Variants in MACROD2 observed in about 807,000 individuals in gnomAD.
MACROD2 encodes ADP-ribose glycohydrolase MACROD2.
In MACROD2, 36 loss-of-function variants were observed where a neutral mutation model predicts 70.4. The observed-to-expected ratio is 0.51, with a 90% confidence interval of 0.39 to 0.68. MACROD2 has a LOEUF of 0.68. Ranked by LOEUF, MACROD2 falls within the 30% of genes least tolerant of loss-of-function variation. The probability of loss-of-function intolerance (pLI) is 0.00; values close to 1 mark genes in which losing one functional copy is unlikely to be tolerated. For synonymous variants in MACROD2, 172 were observed against 178.8 expected (o/e 0.96, Z 0.30); for missense variants, 496 against 538.4 (o/e 0.92, Z 0.78).
intron 4 of MACROD2, among the ~76,000 whole-genome samples, chr20:14,644,386 AT>A (rs1184087253): frequency 1.3e-5 from 2 of 152,156 alleles, no homozygotes; most frequent in Admixed American, 1.3e-4. Context: ...GTAGTGGTTT[AT>A]TTGCCTTTCT....
intron 5 of MACROD2, among the ~76,000 whole-genome samples, chr20:14,947,347 C>T (rs1399513925): frequency 1.3e-5 from 2 of 152,204 alleles, no homozygotes; most frequent in Non-Finnish European, 2.9e-5. Flanking sequence ...ATTTCTGACT[C>T]CGGCATTGGC....
chr20:15,550,868 T>G (rs1369013678), intron 8 of MACROD2, among the ~76,000 whole-genome samples: 1 of 152,212 alleles, frequency 6.6e-6, no homozygotes, highest in Admixed American at 6.5e-5. Flanking sequence ...CAGAGCTCCA[T>G]AGCTATTAAA....
intron 2 of MACROD2, among the ~76,000 whole-genome samples, chr20:14,047,357 A>C (rs2053493877): frequency 6.6e-6 from 1 of 150,592 alleles, no homozygotes; most frequent in South Asian, 2.1e-4. Context: ...TGGGAGGCTG[A>C]GTCAGGAGAA....
chr20:15,285,153 C>G (rs2077479582), intron 6 of MACROD2, among the ~76,000 whole-genome samples: 1 of 152,134 alleles, frequency 6.6e-6, no homozygotes, highest in South Asian at 2.1e-4. Flanking sequence ...ATGATAATTT[C>G]ATTTTCTCTG....
At chr20:15,921,685 T>C (rs2065409967) in intron 10 of MACROD2, among the ~76,000 whole-genome samples, 1 of 152,232 alleles carries the variant, frequency 6.6e-6, no homozygotes. Context: ...GGATACTATA[T>C]TTGCGTAATT....
intron 4 of MACROD2, among the ~76,000 whole-genome samples, chr20:14,560,767 C>T (rs1442446608): frequency 1.3e-5 from 2 of 151,582 alleles, no homozygotes; most frequent in East Asian, 1.9e-4. Context: ...TAGGAAATGC[C>T]GACACTTATT....
At chr20:15,284,493 GTTC>G (rs1340380879) in intron 6 of MACROD2, among the ~76,000 whole-genome samples, 2 of 152,122 alleles carry the variant, frequency 1.3e-5, no homozygotes, top group Non-Finnish European at 2.9e-5. Flanking sequence ...AGGTAAAAGT[GTTC>G]TTCTGTGAGG....
intron 6 of MACROD2, among the ~76,000 whole-genome samples, chr20:15,237,792 A>G (rs993066027): frequency 6.9e-6 from 1 of 145,828 alleles, no homozygotes; most frequent in Non-Finnish European, 1.5e-5. Context: ...AAGCTGGACT[A>G]TTTTTTTTTT....
chr20:14,408,711 T>A (rs1256187978), intron 3 of MACROD2, among the ~76,000 whole-genome samples: 1 of 152,138 alleles, frequency 6.6e-6, no homozygotes, highest in East Asian at 1.9e-4. Flanking sequence ...AGAGATGGCA[T>A]TTAGATAACT....
intron 5 of MACROD2, among the ~76,000 whole-genome samples, chr20:14,762,522 A>G (rs1376721926): frequency 3.3e-5 from 5 of 152,186 alleles, no homozygotes; most frequent in Non-Finnish European, 5.9e-5. Flanking sequence ...AGGATTGGAC[A>G]TTCTCTCACT....
At chr20:15,392,036 G>A (rs948479393) in intron 6 of MACROD2, among the ~76,000 whole-genome samples, 2 of 152,048 alleles carry the variant, frequency 1.3e-5, no homozygotes, top group Admixed American at 6.6e-5. Flanking sequence ...ATTTTTTTAA[G>A]TGGGGAAAAC....
chr20:15,673,394 C>A (rs1459097295), intron 8 of MACROD2, among the ~76,000 whole-genome samples: 1 of 152,150 alleles, frequency 6.6e-6, no homozygotes, highest in Admixed American at 6.5e-5. Context: ...AAACCAGCTC[C>A]TGTAAAAAGA....
intron 6 of MACROD2, among the ~76,000 whole-genome samples, chr20:15,407,571 C>T (rs1419925729): frequency 2.0e-5 from 3 of 152,144 alleles, no homozygotes; most frequent in Non-Finnish European, 2.9e-5. Context: ...GGTAGAGAGG[C>T]AGCCTAGCAC....
chr20:14,870,264 C>T (rs1022236086), intron 5 of MACROD2, among the ~76,000 whole-genome samples: 14 of 152,152 alleles, frequency 9.2e-5, no homozygotes, highest in African/African-American at 2.9e-4. Flanking sequence ...ATCCATGTCT[C>T]TGCAAAGAAA....
chr20:14,576,470 G>T lies in MACROD2; in HGVS notation c.301+82962G>T, dbSNP rs189372067. On this transcript the variant is annotated intron_variant, in intron 4 of 17. Transcript: ENST00000684519. ...TTTTTTTAATCTCTGCTACTGGATTGAAAGTGTAACTGCCACTTTCAATAT... is the reference window on the plus strand; with the variant it reads ...TTTTTTTAATCTCTGCTACTGGATTTAAAGTGTAACTGCCACTTTCAATAT... 2.5e-4 allele frequency among the ~76,000 whole-genome samples: 38 copies of T among 152,264 alleles called. No homozygotes were observed. The East Asian group carries it at 6.6e-3, about 26-fold the overall frequency.
intron 3 of MACROD2, among the ~76,000 whole-genome samples, chr20:14,129,959 G>A (rs188521145): frequency 1.8e-4 from 28 of 152,044 alleles, no homozygotes; most frequent in African/African-American, 5.8e-4. Flanking sequence ...TGTGTGACTC[G>A]CTTTATTGCA....
chr20:15,760,482 C>G (rs1241768276), intron 8 of MACROD2, among the ~76,000 whole-genome samples: 1 of 152,142 alleles, frequency 6.6e-6, no homozygotes, highest in East Asian at 1.9e-4. Flanking sequence ...TCTGGGATCA[C>G]AGAAGGCAAC....
intron 9 of MACROD2, among the ~76,000 whole-genome samples, chr20:15,866,968 G>C (rs907553872): frequency 2.0e-5 from 3 of 152,168 alleles, no homozygotes; most frequent in Non-Finnish European, 4.4e-5. Context: ...AAGTACCACA[G>C]AGCAGGCGGC....
chr20:14,820,708 G>T (rs913918700), intron 5 of MACROD2, among the ~76,000 whole-genome samples: 1 of 151,934 alleles, frequency 6.6e-6, no homozygotes, highest in Admixed American at 6.6e-5. Context: ...ATAGATTTCC[G>T]TTACATTCTT....
Sources: gnomAD v4.1 joint callset for allele counts (sites outside exome capture counted in the v4.1 genomes callset) on GRCh38, gnomAD v4.1.1 for gene constraint, MANE v1.5 for transcripts, NCBI Gene and HGNC (gene_info 2026-07-23, HGNC 2026-07-21) for gene names.